Variants in ZNF827 observed in about 807,000 individuals in gnomAD.
ZNF827 encodes zinc finger protein 827.
ZNF827 carries 13 observed loss-of-function variants against 102.4 expected under a neutral mutation model. The ratio of observed to expected loss-of-function variants is 0.13; its 90% CI spans 0.08 to 0.20. ZNF827 has a LOEUF of 0.20. ZNF827 is among the 10% of genes least tolerant of loss of function. The pLI, the probability that ZNF827 is intolerant of heterozygous loss-of-function variation, is 1.00. For synonymous variants in ZNF827, 523 were observed against 536.2 expected (o/e 0.98, Z 0.34); for missense variants, 1,103 against 1,344.4 (o/e 0.82, Z 2.81).
chr4:145,915,429 A>G (rs150604761), intron 1 of ZNF827, among the ~76,000 whole-genome samples: 5 of 152,206 alleles, frequency 3.3e-5, no homozygotes, highest in Middle Eastern at 3.4e-3. Flanking sequence ...CCCAGGCAAC[A>G]AGAGCGGAAC....
intron 7 of ZNF827, among the ~76,000 whole-genome samples, chr4:145,841,760 A>G (rs1579343527): frequency 6.6e-6 from 1 of 152,210 alleles, no homozygotes; most frequent in African/African-American, 2.4e-5. Flanking sequence ...GGACAAGGTT[A>G]AGGCACTGGT....
chr4:145,905,261 A>T (rs909082680), intron 1 of ZNF827, among the ~76,000 whole-genome samples: 7 of 152,220 alleles, frequency 4.6e-5, no homozygotes, highest in Non-Finnish European at 1.0e-4. Context: ...AAGTTTTGCC[A>T]TATAGCATGC....
chr4:145,866,674 C>T (rs1039458130), intron 5 of ZNF827, among the ~76,000 whole-genome samples: 5 of 152,180 alleles, frequency 3.3e-5, no homozygotes, highest in African/African-American at 1.2e-4. Context: ...CAGCTATGTA[C>T]TTTTTGTGTG....
intron 1 of ZNF827, chr4:145,907,046 T>C (rs1167924542): frequency 2.2e-6 from 1 of 456,584 alleles, no homozygotes; most frequent in East Asian, 6.9e-5. Context: ...TAGCTGAAAT[T>C]ATTCTGGCAA....
At chr4:145,932,475 ATTT>A (rs59749911) in intron 1 of ZNF827, among the ~76,000 whole-genome samples, 6 of 136,306 alleles carry the variant, frequency 4.4e-5, no homozygotes, top group Admixed American at 7.1e-5. Flanking sequence ...AACTCCTTGT[ATTT>A]TTTTTTTTTT....
intron 6 of ZNF827, 35 bp downstream of exon 6, chr4:145,849,287 T>G (rs1273973923): frequency 6.3e-7 from 1 of 1,594,212 alleles, no homozygotes; most frequent in Non-Finnish European, 8.6e-7. Flanking sequence ...TTCAATGATT[T>G]CCAATAATTG....
chr4:145,856,636 T>C (rs1053460502), intron 5 of ZNF827, among the ~76,000 whole-genome samples: 2 of 151,490 alleles, frequency 1.3e-5, no homozygotes, highest in African/African-American at 2.4e-5. Flanking sequence ...ACTTCAAGAA[T>C]GGTAGCTTTC....
intron 9 of ZNF827, among the ~76,000 whole-genome samples, chr4:145,777,528 G>A (rs2126960530): frequency 6.6e-6 from 1 of 152,202 alleles, no homozygotes; most frequent in East Asian, 1.9e-4. Flanking sequence ...TAGTCATTCT[G>A]TTTAAATGAT....
In ZNF827 at chr4:145,894,274, T is replaced by C. The variant is rs370482560; in HGVS notation, c.1094-1859A>G. Among the ~76,000 whole-genome samples, 17 of 152,292 alleles carry C rather than the reference T, an allele frequency of 1.1e-4. No homozygotes were observed. In the East Asian group the frequency reaches 2.7e-3, roughly 24 times the overall value. On this transcript the variant is annotated intron_variant, in intron 2 of 14. Coordinates refer to ENST00000508784, the MANE Select transcript of ZNF827 (RefSeq NM_001306215.2). Reference sequence around the variant, plus strand: ...AAACAAAAAATGGTATCTTTTTATTTGCATATGAAAACTTCCTGGAAGCAT... The same window carrying C: ...AAACAAAAAATGGTATCTTTTTATTCGCATATGAAAACTTCCTGGAAGCAT...
At chr4:145,852,481 A>C (rs1186486690) in intron 5 of ZNF827, among the ~76,000 whole-genome samples, 4 of 152,220 alleles carry the variant, frequency 2.6e-5, no homozygotes, top group Admixed American at 2.0e-4. Flanking sequence ...ACTCAGGGAG[A>C]GGAGTTTTCA....
intron 8 of ZNF827, 22 bp from the exon 9 acceptor site, chr4:145,779,533 T>G (rs1470825206): frequency 6.2e-7 from 1 of 1,609,710 alleles, no homozygotes; most frequent in African/African-American, 1.3e-5. Context: ...GAACAAAGCA[T>G]CATGAGAAAT....
chr4:145,928,948 C>A (rs528751573), intron 1 of ZNF827, among the ~76,000 whole-genome samples: 2 of 152,302 alleles, frequency 1.3e-5, no homozygotes, highest in South Asian at 2.1e-4. Context: ...CCGACTACAG[C>A]AGATTGCTGC....
intron 8 of ZNF827, among the ~76,000 whole-genome samples, chr4:145,802,038 C>A (rs1224409899): frequency 6.6e-6 from 1 of 152,036 alleles, no homozygotes; most frequent in Admixed American, 6.5e-5. Flanking sequence ...ATCTAATACA[C>A]CGAATAAGAA....
intron 8 of ZNF827, among the ~76,000 whole-genome samples, chr4:145,784,016 G>A (rs1159234926): frequency 6.6e-6 from 1 of 152,082 alleles, no homozygotes; most frequent in Non-Finnish European, 1.5e-5. Flanking sequence ...TTGTTTAAAA[G>A]TGTGCAGCAC....
chr4:145,898,791 G>A (rs1751178192), intron 2 of ZNF827, among the ~76,000 whole-genome samples: 1 of 152,026 alleles, frequency 6.6e-6, no homozygotes, highest in African/African-American at 2.4e-5. Flanking sequence ...AGAAGAATAA[G>A]GCCAAACCTA....
chr4:145,881,880 C>T (rs77831737), intron 4 of ZNF827, among the ~76,000 whole-genome samples: 155 of 152,312 alleles, frequency 1.0e-3, no homozygotes, highest in African/African-American at 3.4e-3. Flanking sequence ...AATACTGTAC[C>T]ATGTAACAAG....
chr4:145,934,347 C>G (rs1211655829), intron 1 of ZNF827, among the ~76,000 whole-genome samples: 2 of 152,156 alleles, frequency 1.3e-5, no homozygotes, highest in Non-Finnish European at 2.9e-5. Context: ...ACAAAGCAAA[C>G]ACAGACACAA....
chr4:145,817,607 A>T (rs1742713688), intron 8 of ZNF827, among the ~76,000 whole-genome samples: 1 of 152,224 alleles, frequency 6.6e-6, no homozygotes, highest in East Asian at 1.9e-4. Context: ...CTATCACGAC[A>T]ACAGCATGGG....
At chr4:145,862,315 A>G (rs1266540795) in intron 5 of ZNF827, among the ~76,000 whole-genome samples, 2 of 152,210 alleles carry the variant, frequency 1.3e-5, no homozygotes, top group African/African-American at 4.8e-5. Flanking sequence ...ACTGCTGTCT[A>G]GCCTCTGAGC....
Sources: allele counts gnomAD v4.1 joint callset (sites outside exome capture counted in the v4.1 genomes callset), GRCh38; gene constraint gnomAD v4.1.1; transcripts MANE v1.5; gene names NCBI Gene and HGNC (gene_info 2026-07-23, HGNC 2026-07-21).